The following MYRIP variants were observed in gnomAD, a reference collection of about 807,000 sequenced individuals.
MYRIP encodes myosin VIIA and Rab interacting protein.
In MYRIP, 49 loss-of-function variants were observed where a neutral mutation model predicts 98.0. The ratio of observed to expected loss-of-function variants is 0.50; its 90% confidence interval spans 0.40 to 0.63. The LOEUF (loss-of-function observed/expected upper bound fraction) is 0.63, where lower values mean the gene tolerates loss of function less well. MYRIP is among the 30% of genes least tolerant of loss of function. The pLI is 0.00. For synonymous variants in MYRIP, 404 were observed against 409.5 expected (o/e 0.99, Z 0.16); for missense variants, 1,004 against 1,058.2 (o/e 0.95, Z 0.71).
chr3:39,901,049 T>A, intron 2 of MYRIP, 123 bp downstream of exon 2: 2 of 662,214 alleles, frequency 3.0e-6, no homozygotes. Context: ...TTTGTCAGAA[T>A]GTCCTGTCCT....
chr3:39,982,765 A>G (rs1945926925), intron 2 of MYRIP, among the ~76,000 whole-genome samples: 2 of 152,200 alleles, frequency 1.3e-5, no homozygotes, highest in Admixed American at 6.6e-5. Flanking sequence ...CCTAATTACC[A>G]TGCCTCATTT....
intron 1 of MYRIP, among the ~76,000 whole-genome samples, chr3:39,848,748 A>T (rs1360667631): frequency 1.3e-5 from 2 of 152,238 alleles, no homozygotes; most frequent in Middle Eastern, 3.2e-3. Context: ...TGATTAATAG[A>T]TACTTTTCCT....
intron 1 of MYRIP, among the ~76,000 whole-genome samples, chr3:39,820,382 T>TTTTG (rs59564629): frequency 4.0e-5 from 6 of 151,112 alleles, no homozygotes; most frequent in East Asian, 3.9e-4. Context: ...TACATGATGG[T>TTTTG]TTTGTTTGTT....
At chr3:40,058,000 A>T (rs1007655547) in intron 3 of MYRIP, among the ~76,000 whole-genome samples, 4 of 152,210 alleles carry the variant, frequency 2.6e-5, no homozygotes, top group African/African-American at 9.6e-5. Context: ...GCAATGACTC[A>T]GAGCTATTAC....
intron 2 of MYRIP, among the ~76,000 whole-genome samples, chr3:39,998,463 A>C (rs982810392): frequency 7.9e-5 from 12 of 152,318 alleles, no homozygotes; most frequent in African/African-American, 2.2e-4. Flanking sequence ...TAGGAATCCA[A>C]CTAACAACGG....
At position 39,942,680 on chromosome 3, in the gene MYRIP, C is replaced by T. The variant is rs529541707; in HGVS notation, c.110+41754C>T. ...GGAAACATTCAAATTATTTTCTTCT[C>T]ACTATTTTGAAATGTGTAATAGATT... On this transcript the variant is annotated intron_variant, in intron 2 of 16. Coordinates refer to ENST00000302541, the MANE Select transcript of MYRIP (RefSeq NM_015460.4). 2.7e-4 allele frequency among the ~76,000 whole-genome samples: 41 copies of T among 152,164 alleles called. 3 individuals are homozygous for T. The South Asian group carries it at 8.1e-3, about 30-fold the overall frequency.
At chr3:40,215,327 A>G (rs1277107026) in intron 11 of MYRIP, among the ~76,000 whole-genome samples, 1 of 152,114 alleles carries the variant, frequency 6.6e-6, no homozygotes, top group East Asian at 1.9e-4. Context: ...TCATAGAGTA[A>G]TTTTCATTTT....
Position 39,908,429 on chromosome 3 carries a change from A to ACC in MYRIP, c.110+7510_110+7511dup, listed in dbSNP as rs202235547. 3.9e-4 allele frequency among the ~76,000 whole-genome samples: 59 copies of ACC among 149,434 alleles called. 1 individual carries two copies. Among genetic ancestry groups the ACC allele is most frequent in the African/African-American group, 1.4e-3 (56 of 40,510 alleles). ...TTGCCACCTCCAGGGGTAATCTTCC[A>ACC]CCCCCCCCATTGCTCAGGTCTAAGT... On this transcript the variant is annotated intron_variant, in intron 2 of 16. Coordinates refer to ENST00000302541, the MANE Select transcript of MYRIP (RefSeq NM_015460.4).
intron 8 of MYRIP, among the ~76,000 whole-genome samples, chr3:40,172,805 G>T (rs1372548348): frequency 6.6e-6 from 1 of 152,106 alleles, no homozygotes; most frequent in Non-Finnish European, 1.5e-5. Context: ...GCATCAGCTT[G>T]CTTCTCTTCT....
intron 3 of MYRIP, among the ~76,000 whole-genome samples, chr3:40,094,492 G>C (rs371015443): frequency 3.2e-4 from 49 of 152,292 alleles, no homozygotes; most frequent in African/African-American, 9.6e-4. Flanking sequence ...TGCAGCACAA[G>C]GACATCTGTT....
At chr3:40,116,069 T>C (rs1246683837) in intron 3 of MYRIP, among the ~76,000 whole-genome samples, 1 of 152,162 alleles carries the variant, frequency 6.6e-6, no homozygotes, top group Non-Finnish European at 1.5e-5. Context: ...CAAATGTCAT[T>C]ATAGAAGCCA....
At chr3:39,864,457 G>A (rs999501013) in intron 1 of MYRIP, among the ~76,000 whole-genome samples, 13 of 151,994 alleles carry the variant, frequency 8.6e-5, no homozygotes, top group Non-Finnish European at 1.2e-4. Flanking sequence ...AAAGTTTCAG[G>A]ATACAAAAAT....
intron 5 of MYRIP, among the ~76,000 whole-genome samples, chr3:40,165,639 G>T (rs1950484550): frequency 6.6e-6 from 1 of 151,842 alleles, no homozygotes; most frequent in Admixed American, 6.6e-5. Context: ...ATTCTCACAA[G>T]TAAGAAGCTA....
intron 1 of MYRIP, among the ~76,000 whole-genome samples, chr3:39,843,494 G>A (rs1431041625): frequency 6.6e-6 from 1 of 152,176 alleles, no homozygotes; most frequent in Non-Finnish European, 1.5e-5. Context: ...ATCTTGTCCA[G>A]AAGGAGAAAA....
chr3:39,814,373 T>C (rs1241620066), intron 1 of MYRIP, among the ~76,000 whole-genome samples: 2 of 152,168 alleles, frequency 1.3e-5, no homozygotes, highest in Non-Finnish European at 2.9e-5. Flanking sequence ...TTTTAATATA[T>C]AGTTTTAATA....
intron 2 of MYRIP, among the ~76,000 whole-genome samples, chr3:39,902,785 G>A (rs1385667420): frequency 6.6e-6 from 1 of 152,148 alleles, no homozygotes; most frequent in Non-Finnish European, 1.5e-5. Context: ...CAGTCCATGT[G>A]GAAGAGCAGC....
intron 1 of MYRIP, among the ~76,000 whole-genome samples, chr3:39,845,937 T>C (rs944107677): frequency 2.0e-5 from 3 of 152,110 alleles, no homozygotes; most frequent in Admixed American, 2.0e-4. Flanking sequence ...CAAATTTCAA[T>C]TATTTATGTT....
chr3:40,098,740 T>TGTGTGTGTG (rs1553613661), intron 3 of MYRIP, among the ~76,000 whole-genome samples: 4 of 135,282 alleles, frequency 3.0e-5, no homozygotes, highest in South Asian at 2.5e-4. Context: ...GTCTCTCTCA[T>TGTGTGTGTG]TGTGTGTGTG....
chr3:40,138,206 C>T (rs1252074543), intron 3 of MYRIP, among the ~76,000 whole-genome samples: 2 of 152,182 alleles, frequency 1.3e-5, no homozygotes, highest in African/African-American at 2.4e-5. Flanking sequence ...GCATTTGGTA[C>T]AGGACAGATG....
Sources: allele counts gnomAD v4.1 joint callset (sites outside exome capture counted in the v4.1 genomes callset), GRCh38; gene constraint gnomAD v4.1.1; transcripts MANE v1.5; gene names NCBI Gene and HGNC (gene_info 2026-07-23, HGNC 2026-07-21).